The following CA5A variants were observed in gnomAD, a reference collection of about 807,000 sequenced individuals.
CA5A encodes carbonic anhydrase 5A, mitochondrial.
A neutral mutation model predicts 37.1 loss-of-function variants in CA5A; 28 were observed. That is an observed-to-expected ratio of 0.75 (90% CI 0.56 to 1.03). The LOEUF is 1.03. Ranked by LOEUF, CA5A falls within the 50% of genes least tolerant of loss-of-function variation. The pLI is 0.00. For synonymous variants in CA5A, 171 were observed against 158.4 expected (o/e 1.08, Z -0.60); for missense variants, 444 against 399.9 (o/e 1.11, Z -0.94).
At chr16:87,902,590 G>A (rs896099256) in intron 3 of CA5A, 70 bp from the exon 4 acceptor site, 35 of 844,648 alleles carry the variant, frequency 4.1e-5, no homozygotes, top group Non-Finnish European at 7.1e-5. Flanking sequence ...CCTTCTGAAT[G>A]GCTGACCTAT....
At chr16:87,892,142 G>A in intron 5 of CA5A, 188 bp from the exon 6 acceptor site, 2 of 484,016 alleles carry the variant, frequency 4.1e-6, no homozygotes, top group Admixed American at 4.4e-5. Flanking sequence ...ACAGAGCAAG[G>A]ATTCCTGCCA....
At chr16:87,932,488 G>A (rs956507973) in intron 1 of CA5A, among the ~76,000 whole-genome samples, 3 of 152,182 alleles carry the variant, frequency 2.0e-5, no homozygotes, top group Non-Finnish European at 2.9e-5. Flanking sequence ...GCACGGAGGC[G>A]ACGCCACCTG....
intron 1 of CA5A, among the ~76,000 whole-genome samples, chr16:87,930,452 G>T (rs2056386145): frequency 6.6e-6 from 1 of 152,118 alleles, no homozygotes; most frequent in Admixed American, 6.6e-5. Context: ...CAGTGGCAAG[G>T]ACCTCCCCCC....
At chr16:87,899,613 T>C (rs370197956) in intron 5 of CA5A, among the ~76,000 whole-genome samples, 1 of 150,354 alleles carries the variant, frequency 6.7e-6, no homozygotes, top group African/African-American at 2.4e-5. Flanking sequence ...TCTTAAGGTC[T>C]TTTAATTTCT....
chr16:87,905,999 C>T lies in CA5A; in HGVS notation c.341-1095G>A, dbSNP rs189955505. On this transcript the variant is annotated intron_variant, in intron 2 of 6. Coordinates refer to ENST00000649794, the MANE Select transcript of CA5A (RefSeq NM_001739.2). ...GTAGTGCTGGGAGTCTGCCTTTTAA[C>T]GAGCTCCCCAGGGGTTCGGATGTGG... is the stretch of plus-strand genomic sequence containing the variant. Among the ~76,000 whole-genome samples the T allele has an allele frequency of 3.3e-5, 5 of 152,330 alleles. No individual in the cohort carries two copies. The East Asian group carries it at 7.7e-4, about 24-fold the overall frequency.
intron 1 of CA5A, among the ~76,000 whole-genome samples, chr16:87,930,173 A>C (rs1450331617): frequency 2.6e-5 from 4 of 152,002 alleles, no homozygotes; most frequent in African/African-American, 9.7e-5. Context: ...GGGGTTGGTC[A>C]TTTTTCTGGC....
intron 6 of CA5A, among the ~76,000 whole-genome samples, chr16:87,890,020 G>A (rs1324150980): frequency 6.6e-6 from 1 of 152,212 alleles, no homozygotes; most frequent in African/African-American, 2.4e-5. Flanking sequence ...ATCCACATTT[G>A]TGGTCTGCAC....
intron 1 of CA5A, 69 bp from the exon 2 acceptor site, chr16:87,927,014 A>G: frequency 1.8e-6 from 2 of 1,121,192 alleles, no homozygotes; most frequent in Non-Finnish European, 2.6e-6. Flanking sequence ...CGGACAGGGC[A>G]GAAACCCGGC....
intron 2 of CA5A, chr16:87,924,074 A>G: frequency 1.0e-6 from 1 of 985,456 alleles, no homozygotes; most frequent in Non-Finnish European, 1.2e-6. Flanking sequence ...GAATAAATGA[A>G]TGCAAAAATC....
At chr16:87,909,521 G>T (rs2056018361) in intron 2 of CA5A, among the ~76,000 whole-genome samples, 1 of 152,200 alleles carries the variant, frequency 6.6e-6, no homozygotes, top group African/African-American at 2.4e-5. Context: ...GGATCACTCG[G>T]GCTGGGCTGG....
chr16:87,917,654 C>T (rs893117653), intron 2 of CA5A, among the ~76,000 whole-genome samples: 13 of 129,658 alleles, frequency 1.0e-4, no homozygotes, highest in East Asian at 5.6e-4. Context: ...CATGAACACA[C>T]GTGCACATAG....
At chr16:87,930,523 C>T (rs2056387219) in intron 1 of CA5A, among the ~76,000 whole-genome samples, 1 of 152,136 alleles carries the variant, frequency 6.6e-6, no homozygotes, top group African/African-American at 2.4e-5. Context: ...ACCCAGGCGC[C>T]TGGCTTCCCT....
intron 2 of CA5A, among the ~76,000 whole-genome samples, chr16:87,917,710 C>T (rs546099269): frequency 8.0e-5 from 5 of 62,826 alleles, no homozygotes; most frequent in Non-Finnish European, 2.5e-4. Context: ...CACGAACACA[C>T]ACATGAACAC....
At chr16:87,908,101 G>C (rs1216223144) in intron 2 of CA5A, among the ~76,000 whole-genome samples, 1 of 152,174 alleles carries the variant, frequency 6.6e-6, no homozygotes, top group South Asian at 2.1e-4. Flanking sequence ...CGAATCACTT[G>C]GTCGGTAAGC....
chr16:87,899,264 T>C (rs6540097), intron 5 of CA5A, among the ~76,000 whole-genome samples: 149,831 of 150,486 alleles, frequency 1, 74,592 homozygotes, highest in Middle Eastern at 1. Context: ...AGACTCTTGC[T>C]CCCAAGGCTG....
chr16:87,924,267 G>T, intron 2 of CA5A: 1 of 985,474 alleles, frequency 1.0e-6, no homozygotes, highest in Non-Finnish European at 1.2e-6. Flanking sequence ...CATCCGCGGG[G>T]GTTGCAGTGG....
intron 1 of CA5A, among the ~76,000 whole-genome samples, chr16:87,929,644 G>C (rs539968417): frequency 2.6e-5 from 4 of 151,710 alleles, no homozygotes; most frequent in Middle Eastern, 3.2e-3. Flanking sequence ...AGGCCGAGGT[G>C]GGCGGATCAC....
In CA5A at chr16:87,917,678, C is replaced by CAG. The variant is rs1350502601; in HGVS notation, c.340+9068_340+9069dup. Among the ~76,000 whole-genome samples the CAG allele has an allele frequency of 6.6e-5, 10 of 151,248 alleles. No individual in the cohort carries two copies. In the South Asian group the frequency reaches 2.1e-3, roughly 32 times the overall value. ...ACGTGCACATAGAGACACATGCACA[C>CAG]AGTGCACAATGCACACCCGCACACG... On this transcript the variant is annotated intron_variant, in intron 2 of 6. Transcript: ENST00000649794.
chr16:87,924,306 T>C (rs1054999909), intron 2 of CA5A: 18 of 985,320 alleles, frequency 1.8e-5, no homozygotes, highest in Non-Finnish European at 6.0e-6. Flanking sequence ...TGAATGGCAC[T>C]GAGCATACAG....
Sources: allele counts gnomAD v4.1 joint callset (sites outside exome capture counted in the v4.1 genomes callset), GRCh38; gene constraint gnomAD v4.1.1; transcripts MANE v1.5; gene names NCBI Gene and HGNC (gene_info 2026-07-23, HGNC 2026-07-21).